PBX1: variants seen among roughly 807,000 people sequenced by gnomAD.
PBX1 encodes PBX homeobox 1, also known as pre-B-cell leukemia transcription factor 1.
PBX1 carries 6 observed loss-of-function variants against 53.4 expected under a neutral mutation model. The ratio of observed to expected loss-of-function variants is 0.11; its 90% CI spans 0.06 to 0.22. PBX1 has a LOEUF of 0.22. Ranked by LOEUF, PBX1 falls within the 10% of genes least tolerant of loss-of-function variation. PBX1 has a pLI of 1.00. For missense variants in PBX1, 251 were observed against 551.4 expected, an observed-to-expected ratio of 0.46 and a Z score of 5.46; for synonymous variants, 204 against 212.3, an observed-to-expected ratio of 0.96 and a Z score of 0.34.
chr1:164,801,564 T>A (rs1229537331), intron 4 of PBX1, among the ~76,000 whole-genome samples: 1 of 152,078 alleles, frequency 6.6e-6, no homozygotes, highest in Non-Finnish European at 1.5e-5. Flanking sequence ...TCTCAGTAAT[T>A]CCAGTGTGCC....
chr1:164,653,996 C>T (rs1172549885), intron 2 of PBX1, among the ~76,000 whole-genome samples: 1 of 152,068 alleles, frequency 6.6e-6, no homozygotes, highest in African/African-American at 2.4e-5. Context: ...TCCTTTTTCC[C>T]AAGATTAAAA....
chr1:164,662,487 A>G (rs1258097356), intron 2 of PBX1, among the ~76,000 whole-genome samples: 1 of 152,142 alleles, frequency 6.6e-6, no homozygotes, highest in African/African-American at 2.4e-5. Context: ...TGCAACCAGT[A>G]CCAAGCCGAC....
At chr1:164,856,236 A>G (rs946940932), downstream of PBX1, among the ~76,000 whole-genome samples, 2 of 152,126 alleles carry the variant, frequency 1.3e-5, no homozygotes, top group Non-Finnish European at 2.9e-5. Flanking sequence ...GGCCTTGAAT[A>G]ACTGGTGCTG....
In PBX1 at chr1:164,559,359, G is replaced by A. The variant is rs1652840319; in HGVS notation, c.-464G>A. ...TGGGGGGCAGCGGGGGGTGGGGGGG[G>A]AAAGTTTGCATTGCAATCCCCCTGC... On this transcript the variant is annotated 5_prime_UTR_variant, in exon 1 of 9. Coordinates refer to ENST00000420696, the MANE Select transcript of PBX1 (RefSeq NM_002585.4). 5.0e-6 allele frequency: 1 copy of A among 199,108 alleles called. No homozygotes were observed. Among genetic ancestry groups the A allele is most frequent in the Admixed American group, 6.1e-5 (1 of 16,414 alleles). The allele number at this position is 199,108 out of a possible 1,614,324, so 12.3% of individuals were successfully genotyped here. A position where few individuals can be genotyped will look rare whatever the true frequency, so the allele number is the denominator to read the frequency against.
In PBX1 at chr1:164,849,133, CGAAA is replaced by C; in HGVS notation, c.*2460_*2463del. ...CATTTGCTTGACTTAGGGCAAAGTA[CGAAA>C]GAGAGACAAAAGGGTTCTCTTGGAA... is the stretch of plus-strand genomic sequence containing the variant. On this transcript the variant is annotated 3_prime_UTR_variant, in exon 9 of 9. Transcript: ENST00000420696. 3 of 1,378,984 alleles carry C rather than the reference CGAAA, an allele frequency of 2.2e-6. No homozygotes were observed. The highest frequency in any genetic ancestry group is 2.8e-6 in the Non-Finnish European group (3 of 1,065,886). 85.4% of individuals were successfully genotyped at this position (1,378,984 alleles called of 1,614,324 possible).
chr1:164,858,189 T>C lies in PBX1; in HGVS notation n.257+26706T>C, dbSNP rs147266136. Among the ~76,000 whole-genome samples, 1,266 of 152,210 alleles carry C rather than the reference T, an allele frequency of 8.3e-3. 24 individuals are homozygous for C. Among genetic ancestry groups the C allele is most frequent in the African/African-American group, 0.029 (1,198 of 41,516 alleles). ...TCACTTTTCCACTGCTCCTATTTTG[T>C]TTACAAAAATTACAAACTTAAAAAA... On this transcript the variant is annotated intron_variant and non_coding_transcript_variant, in intron 2 of 2. Transcript: ENST00000558796.
At chr1:164,877,197 G>A (rs1034161661) in intron 2 of PBX1, among the ~76,000 whole-genome samples, 1 of 150,784 alleles carries the variant, frequency 6.6e-6, no homozygotes, top group African/African-American at 2.4e-5. Context: ...AGAGAGCCAG[G>A]TTGGTCCATT....
intron 2 of PBX1, chr1:164,680,014 T>G (rs1171121579): frequency 6.6e-6 from 1 of 152,148 alleles, no homozygotes; most frequent in Non-Finnish European, 1.5e-5. Context: ...GTGAATTAAT[T>G]AACAATTTCT....
Position 164,846,805 on chromosome 1 carries a change from T to C in PBX1, c.*129T>C. On this transcript the variant is annotated 3_prime_UTR_variant, in exon 9 of 9. Transcript: ENST00000420696. ...GCAATCAGCAAACACAATAAGAGTC[T>C]CCTTCTCTTCTCTTCTTTGGGATGC... The C allele has an allele frequency of 2.6e-6, 4 of 1,529,704 alleles. No homozygotes were observed. The highest frequency in any genetic ancestry group is 3.5e-6 in the Non-Finnish European group (4 of 1,138,842). The allele number at this position is 1,529,704 out of a possible 1,614,324, so 94.8% of individuals were successfully genotyped here.
chr1:164,668,247 G>T (rs952687900), intron 2 of PBX1, among the ~76,000 whole-genome samples: 1 of 152,126 alleles, frequency 6.6e-6, no homozygotes, highest in Non-Finnish European at 1.5e-5. Flanking sequence ...TCTTTCCTAG[G>T]AAGACCTTTG....
intron 2 of PBX1, among the ~76,000 whole-genome samples, chr1:164,786,581 G>A (rs1668186642): frequency 6.6e-6 from 1 of 152,018 alleles, no homozygotes; most frequent in Admixed American, 6.6e-5. Flanking sequence ...GAAATTAAAA[G>A]AAATTAGGAA....
At chr1:164,693,170 C>T (rs1378724324) in intron 2 of PBX1, among the ~76,000 whole-genome samples, 1 of 152,186 alleles carries the variant, frequency 6.6e-6, no homozygotes, top group Non-Finnish European at 1.5e-5. Flanking sequence ...CAAGCAACAG[C>T]AGAGCAGAGC....
chr1:164,870,544 A>T (rs1210794233), intron 2 of PBX1, among the ~76,000 whole-genome samples: 1 of 151,830 alleles, frequency 6.6e-6, no homozygotes, highest in African/African-American at 2.4e-5. Flanking sequence ...GGGTTTCGCC[A>T]TGTTGCCCAG....
chr1:164,862,485 T>C (rs1317683989), intron 2 of PBX1, among the ~76,000 whole-genome samples: 3 of 152,166 alleles, frequency 2.0e-5, no homozygotes, highest in Non-Finnish European at 4.4e-5. Context: ...GTTCAAACAT[T>C]GATACTAAGT....
At chr1:164,843,643 A>G (rs1671416819) in intron 8 of PBX1, among the ~76,000 whole-genome samples, 1 of 152,214 alleles carries the variant, frequency 6.6e-6, no homozygotes, top group African/African-American at 2.4e-5. Flanking sequence ...GCCAACTAGA[A>G]TAATATAATG....
intron 2 of PBX1, among the ~76,000 whole-genome samples, chr1:164,580,197 A>C (rs1349126391): frequency 6.6e-6 from 1 of 152,192 alleles, no homozygotes; most frequent in Non-Finnish European, 1.5e-5. Flanking sequence ...AAAACAAGTA[A>C]AGAGGATAAG....
At chr1:164,663,130 G>A (rs991643260) in intron 2 of PBX1, among the ~76,000 whole-genome samples, 6 of 151,984 alleles carry the variant, frequency 3.9e-5, no homozygotes, top group Admixed American at 1.3e-4. Flanking sequence ...AAATGGAAGC[G>A]TGCCTACCTT....
intron 2 of PBX1, among the ~76,000 whole-genome samples, chr1:164,665,120 A>G (rs1372711342): frequency 6.6e-6 from 1 of 152,232 alleles, no homozygotes; most frequent in African/African-American, 2.4e-5. Context: ...CTAAATGGGA[A>G]AGACTAGATG....
At chr1:164,701,102 C>T (rs530939303) in intron 2 of PBX1, among the ~76,000 whole-genome samples, 1 of 152,312 alleles carries the variant, frequency 6.6e-6, no homozygotes, top group African/African-American at 2.4e-5. Context: ...AAAGCTCCAA[C>T]TCCTAATCTT....
Sources: allele counts gnomAD v4.1 joint callset (sites outside exome capture counted in the v4.1 genomes callset), GRCh38; gene constraint gnomAD v4.1.1; transcripts MANE v1.5; gene names NCBI Gene and HGNC (gene_info 2026-07-23, HGNC 2026-07-21).